The following MYO6 variants were observed in gnomAD, a reference collection of about 807,000 sequenced individuals.
The protein encoded by MYO6 is myosin VI.
In MYO6, 74 loss-of-function variants were observed where a neutral mutation model predicts 178.7. The observed-to-expected ratio is 0.41, with a 90% CI of 0.34 to 0.50. The LOEUF (loss-of-function observed/expected upper bound fraction) is 0.50, where lower values mean the gene tolerates loss of function less well. Ranked by LOEUF, MYO6 falls within the 20% of genes least tolerant of loss-of-function variation. MYO6 has a pLI of 0.09. For synonymous variants in MYO6, 477 were observed against 504.6 expected (o/e 0.95, Z 0.73); for missense variants, 1,330 against 1,547.4 (o/e 0.86, Z 2.36).
At chr6:75,798,939 G>A (rs1424000314) in intron 1 of MYO6, among the ~76,000 whole-genome samples, 1 of 152,168 alleles carries the variant, frequency 6.6e-6, no homozygotes, top group African/African-American at 2.4e-5. Flanking sequence ...GCAAAAATAA[G>A]TAGTATTTCT....
chr6:75,787,164 T>C (rs142230952), intron 1 of MYO6, among the ~76,000 whole-genome samples: 223 of 152,294 alleles, frequency 1.5e-3, no homozygotes, highest in Non-Finnish European at 2.4e-3. Flanking sequence ...TTTTTTACAC[T>C]TATACTACTA....
chr6:75,802,724 C>T (rs72654769), intron 1 of MYO6, among the ~76,000 whole-genome samples: 5,579 of 151,970 alleles, frequency 0.037, 225 homozygotes, highest in East Asian at 0.15. Flanking sequence ...TGGGCTCAAG[C>T]AATCTCTCCA....
At chr6:75,888,142 T>C (rs1411260225) in intron 25 of MYO6, among the ~76,000 whole-genome samples, 2 of 151,286 alleles carry the variant, frequency 1.3e-5, no homozygotes, top group African/African-American at 4.9e-5. Flanking sequence ...ATACCAAAGT[T>C]AGCCAGGTGT....
chr6:75,800,819 C>G (rs918094264), intron 1 of MYO6, among the ~76,000 whole-genome samples: 1 of 152,164 alleles, frequency 6.6e-6, no homozygotes. Flanking sequence ...CCCCCAGGTT[C>G]AAGCAGTTCT....
chr6:75,830,681 A>G, intron 5 of MYO6, 136 bp downstream of exon 5: 1 of 835,924 alleles, frequency 1.2e-6, no homozygotes, highest in Non-Finnish European at 1.9e-6. Flanking sequence ...TCTTGGATAT[A>G]TCAACATTGT....
At chr6:75,905,037 TAGGGGTC>T (rs1205706060) in intron 30 of MYO6, among the ~76,000 whole-genome samples, 1 of 152,144 alleles carries the variant, frequency 6.6e-6, no homozygotes, top group East Asian at 1.9e-4. Context: ...TTAGGCTGCT[TAGGGGTC>T]AGGGGTCAGG....
intron 5 of MYO6, 61 bp from the exon 6 acceptor site, chr6:75,832,781 T>C (rs575716193): frequency 3.9e-6 from 4 of 1,029,840 alleles, no homozygotes; most frequent in Non-Finnish European, 6.0e-6. Flanking sequence ...AAAGTGAACT[T>C]TCTATTATTA....
chr6:75,781,954 TG>T (rs1207495758), intron 1 of MYO6, among the ~76,000 whole-genome samples: 1 of 119,320 alleles, frequency 8.4e-6, no homozygotes. Context: ...GATAAAGGAA[TG>T]GGGGGAGTGG....
At chr6:75,891,399 G>A (rs1200179014) in intron 27 of MYO6, 93 bp downstream of exon 27, 16 of 836,242 alleles carry the variant, frequency 1.9e-5, no homozygotes, top group Non-Finnish European at 3.1e-5. Context: ...TTGGGAGGCC[G>A]AGGCGGGCGG....
intron 1 of MYO6, among the ~76,000 whole-genome samples, chr6:75,787,728 C>CTATA (rs1562158611): frequency 3.1e-4 from 5 of 16,386 alleles, no homozygotes; most frequent in Admixed American, 9.9e-4. Context: ...CTCTCTCTCT[C>CTATA]TCTATATATA....
At position 75,919,096 on chromosome 6, in the gene MYO6, G is replaced by A. The variant is rs1258472338; in HGVS notation, c.*4084G>A. On this transcript the variant is annotated 3_prime_UTR_variant, in exon 35 of 35. Transcript: ENST00000369977. ...ATGGCGCCATTGCACTCCATCCTGGGCAACAAGAGCGAAATTCCATCTCAA... is the reference window on the plus strand; with the variant it reads ...ATGGCGCCATTGCACTCCATCCTGGACAACAAGAGCGAAATTCCATCTCAA... 1.3e-5 allele frequency: 2 copies of A among 151,276 alleles called. No homozygotes were observed. The highest frequency in any genetic ancestry group is 2.9e-5 in the Non-Finnish European group (2 of 67,950). 9.4% of individuals were successfully genotyped at this position (151,276 alleles called of 1,614,324 possible). A position where few individuals can be genotyped will look rare whatever the true frequency, so the allele number is the denominator to read the frequency against.
intron 19 of MYO6, among the ~76,000 whole-genome samples, chr6:75,872,460 G>T (rs1276397556): frequency 1.3e-5 from 2 of 151,936 alleles, no homozygotes; most frequent in East Asian, 3.9e-4. Flanking sequence ...ATATTGTTTT[G>T]TTTTCTTTTA....
chr6:75,777,964 G>A (rs1766554297), intron 1 of MYO6, among the ~76,000 whole-genome samples: 1 of 152,100 alleles, frequency 6.6e-6, no homozygotes, highest in Admixed American at 6.6e-5. Context: ...TATTTTGATT[G>A]TTAATTACTT....
chr6:75,914,586 G>A (rs1161927731), intron 34 of MYO6, among the ~76,000 whole-genome samples: 2 of 152,098 alleles, frequency 1.3e-5, no homozygotes, highest in Non-Finnish European at 2.9e-5. Context: ...TATTAACTCT[G>A]GTAACTTGTT....
chr6:75,828,764 T>G (rs893988003), intron 4 of MYO6, 151 bp downstream of exon 4: 2 of 625,906 alleles, frequency 3.2e-6, no homozygotes, highest in East Asian at 2.8e-5. Flanking sequence ...GACAAAGATT[T>G]TTTTCTAATT....
At chr6:75,828,250 C>T (rs959212926) in intron 3 of MYO6, among the ~76,000 whole-genome samples, 2 of 152,046 alleles carry the variant, frequency 1.3e-5, no homozygotes, top group African/African-American at 4.8e-5. Flanking sequence ...ACTTTTTTCC[C>T]TCTTGAATTG....
intron 33 of MYO6, among the ~76,000 whole-genome samples, chr6:75,913,679 G>GTTGAA (rs1415270030): frequency 6.6e-6 from 1 of 152,108 alleles, no homozygotes; most frequent in Non-Finnish European, 1.5e-5. Flanking sequence ...AAAAGTTACT[G>GTTGAA]TACAAATTTG....
chr6:75,820,545 AT>A (rs1771763940), intron 2 of MYO6, among the ~76,000 whole-genome samples: 1 of 151,754 alleles, frequency 6.6e-6, no homozygotes, highest in Non-Finnish European at 1.5e-5. Context: ...AATTTGTTGT[AT>A]TTTTAGTAGA....
rs9359141 is a variant in MYO6 at position 75,848,663 on chromosome 6, A to C, written c.1078+132A>C. 0.44 allele frequency: 376,869 copies of C among 852,218 alleles called. 86,255 individuals carry two copies. The highest frequency in any genetic ancestry group is 0.51 in the Middle Eastern group (1,437 of 2,820). The allele number at this position is 852,218 out of a possible 1,614,324, so 52.8% of individuals were successfully genotyped here. On this transcript the variant is annotated intron_variant, in intron 11 of 34. Transcript: ENST00000369977. ...GAAATATCTAAAATATACTGAGTTA[A>C]ATGTTGAATCTCCCAAATGAAGAAT... is the stretch of plus-strand genomic sequence containing the variant.
Sources: allele counts gnomAD v4.1 joint callset (sites outside exome capture counted in the v4.1 genomes callset), GRCh38; gene constraint gnomAD v4.1.1; transcripts MANE v1.5; gene names NCBI Gene and HGNC (gene_info 2026-07-23, HGNC 2026-07-21).